The following PRKAR1B variants were observed in gnomAD, a reference collection of about 807,000 sequenced individuals.
PRKAR1B encodes the protein protein kinase cAMP-dependent type I regulatory subunit beta, also known as cAMP-dependent protein kinase type I-beta regulatory subunit.
PRKAR1B carries 22 observed loss-of-function variants against 46.5 expected under a neutral mutation model. The observed-to-expected ratio is 0.47, with a 90% CI of 0.34 to 0.68. The LOEUF (loss-of-function observed/expected upper bound fraction) is 0.68. Among genes scored for constraint, PRKAR1B ranks in the 30% least tolerant of loss-of-function variants. The pLI is 0.01. For synonymous variants in PRKAR1B, 259 were observed against 217.7 expected (o/e 1.19, Z -1.67); for missense variants, 445 against 535.6 (o/e 0.83, Z 1.67).
intron 9 of PRKAR1B, among the ~76,000 whole-genome samples, chr7:573,884 C>T (rs1779671402): frequency 6.6e-6 from 1 of 152,182 alleles, no homozygotes; most frequent in African/African-American, 2.4e-5. Context: ...AGCCGATGAC[C>T]CCGGCGTGGA....
chr7:632,143 G>T (rs1440688088), intron 4 of PRKAR1B, among the ~76,000 whole-genome samples: 2 of 152,212 alleles, frequency 1.3e-5, no homozygotes, highest in African/African-American at 4.8e-5. Context: ...GGGGGAGCAG[G>T]TGCTGGCCAA....
At chr7:727,397 C>A (rs1781373696), upstream of PRKAR1B, 14 of 786,598 alleles carry the variant, frequency 1.8e-5, 1 homozygote, top group South Asian at 7.5e-4. Flanking sequence ...CTCACAACCC[C>A]CGCGGCTCGG....
intron 4 of PRKAR1B, among the ~76,000 whole-genome samples, chr7:624,278 C>T (rs900276903): frequency 7.2e-5 from 11 of 152,250 alleles, no homozygotes; most frequent in South Asian, 4.1e-4. Flanking sequence ...ACTAAAAATA[C>T]AAACATTAGC....
At chr7:617,347 C>A (rs982335182) in intron 4 of PRKAR1B, among the ~76,000 whole-genome samples, 12 of 149,438 alleles carry the variant, frequency 8.0e-5, no homozygotes, top group Admixed American at 3.4e-4. Flanking sequence ...CTCTGCCACC[C>A]AGGCTGGAGT....
At chr7:578,511 C>A (rs1218136392) in intron 9 of PRKAR1B, among the ~76,000 whole-genome samples, 2 of 152,126 alleles carry the variant, frequency 1.3e-5, no homozygotes, top group African/African-American at 2.4e-5. Context: ...ATAGAGAGAT[C>A]CTGCGTACCC....
intron 2 of PRKAR1B, among the ~76,000 whole-genome samples, chr7:684,312 G>A (rs1778881437): frequency 6.6e-6 from 1 of 152,238 alleles, no homozygotes. Context: ...GAAGCTTTAT[G>A]CGATCATTTA....
At chr7:550,851 T>A (rs1464956645) in intron 10 of PRKAR1B, among the ~76,000 whole-genome samples, 1 of 151,882 alleles carries the variant, frequency 6.6e-6, no homozygotes, top group Non-Finnish European at 1.5e-5. Context: ...TTTTGGGCAA[T>A]CCTGCAGGAA....
At chr7:678,693 G>A (rs1778481877) in intron 3 of PRKAR1B, among the ~76,000 whole-genome samples, 1 of 152,264 alleles carries the variant, frequency 6.6e-6, no homozygotes, top group African/African-American at 2.4e-5. Context: ...GCAGGCTTAG[G>A]TGTGCTGCGT....
chr7:682,639 G>A (rs187955796), intron 2 of PRKAR1B, among the ~76,000 whole-genome samples: 106 of 152,128 alleles, frequency 7.0e-4, no homozygotes, highest in African/African-American at 2.4e-3. Flanking sequence ...CAGCTACTCC[G>A]GAGGCTGAGG....
chr7:685,084 C>A (rs577756124), intron 2 of PRKAR1B, among the ~76,000 whole-genome samples: 11 of 150,880 alleles, frequency 7.3e-5, no homozygotes, highest in Non-Finnish European at 1.6e-4. Context: ...ATGAATGTAA[C>A]CTTTTATATT....
At chr7:577,492 A>G (rs1779928155) in intron 9 of PRKAR1B, among the ~76,000 whole-genome samples, 1 of 152,126 alleles carries the variant, frequency 6.6e-6, no homozygotes, top group South Asian at 2.1e-4. Flanking sequence ...TGTCAGACAC[A>G]CGGGAGCATA....
At chr7:552,978 G>A (rs1241025720) in intron 9 of PRKAR1B, among the ~76,000 whole-genome samples, 4 of 152,254 alleles carry the variant, frequency 2.6e-5, no homozygotes, top group African/African-American at 9.6e-5. Context: ...GCATATCACA[G>A]GGCACCGCCG....
chr7:652,667 T>C (rs1461773799), intron 4 of PRKAR1B, among the ~76,000 whole-genome samples: 2 of 152,206 alleles, frequency 1.3e-5, no homozygotes, highest in African/African-American at 4.8e-5. Context: ...GGCTCACCAT[T>C]TGTGATGTGG....
chr7:558,144 T>A (rs1778562266), intron 9 of PRKAR1B, among the ~76,000 whole-genome samples: 1 of 148,448 alleles, frequency 6.7e-6, no homozygotes, highest in African/African-American at 2.5e-5. Context: ...TGAGACCCCA[T>A]CTCTTAAAAA....
At chr7:689,121 AT>A (rs539745154) in intron 2 of PRKAR1B, among the ~76,000 whole-genome samples, 22 of 120,020 alleles carry the variant, frequency 1.8e-4, no homozygotes, top group East Asian at 8.0e-4. Context: ...AGAAAAAAAA[AT>A]TTTTTTTTTT....
intron 4 of PRKAR1B, among the ~76,000 whole-genome samples, chr7:649,205 T>C (rs1339843806): frequency 6.6e-6 from 1 of 152,252 alleles, no homozygotes; most frequent in East Asian, 1.9e-4. Flanking sequence ...TTTTAACATT[T>C]AGAATGTTTC....
chr7:718,273 C>G (rs1021951084), intron 1 of PRKAR1B, among the ~76,000 whole-genome samples: 6 of 147,638 alleles, frequency 4.1e-5, no homozygotes, highest in African/African-American at 7.7e-5. Context: ...CACACACACA[C>G]ACACACACAC....
At chr7:566,659 CACCA>C in intron 9 of PRKAR1B, among the ~76,000 whole-genome samples, 1 of 22 alleles carries the variant, frequency 0.045, no homozygotes, top group Non-Finnish European at 0.083. Flanking sequence ...TCACCATCAT[CACCA>C]TCACCTTCAT....
chr7:579,889 G>A (rs1202722050), intron 8 of PRKAR1B, among the ~76,000 whole-genome samples: 1 of 151,554 alleles, frequency 6.6e-6, no homozygotes, highest in Non-Finnish European at 1.5e-5. Flanking sequence ...TTGAGGCCAG[G>A]AGTTCAAGAC....
Sources: allele counts gnomAD v4.1 joint callset (sites outside exome capture counted in the v4.1 genomes callset), GRCh38; gene constraint gnomAD v4.1.1; transcripts MANE v1.5; gene names NCBI Gene and HGNC (gene_info 2026-07-23, HGNC 2026-07-21).